The following ANKRD28 variants were observed in gnomAD, a reference collection of about 807,000 sequenced individuals.
ANKRD28 encodes the protein ankyrin repeat domain 28.
Under a neutral mutation model 126.5 loss-of-function variants are expected in ANKRD28, and 44 were observed. The ratio of observed to expected loss-of-function variants is 0.35; its 90% CI spans 0.27 to 0.45. The LOEUF is 0.45. Among genes scored for constraint, ANKRD28 ranks in the 20% least tolerant of loss-of-function variants. The pLI is 1.00. For missense variants in ANKRD28, 1,110 were observed against 1,316.6 expected (o/e 0.84, Z 2.43); for synonymous variants, 442 against 468.5 (o/e 0.94, Z 0.73).
chr3:15,838,834 T>C lies in ANKRD28; in HGVS notation c.27+20543A>G, dbSNP rs1176782728. On this transcript the variant is annotated intron_variant, in intron 1 of 27. Transcript: ENST00000399451. This position sits in a 1 kb window ranked among gnomAD's most constrained non-coding sequence, Gnocchi z 4.0. ...TGAATATTCATAGCAGTATTATTCATAGTTGCCAAAAATGGGAAACAATTC... is the reference window on the plus strand; with the variant it reads ...TGAATATTCATAGCAGTATTATTCACAGTTGCCAAAAATGGGAAACAATTC... Among the ~76,000 whole-genome samples the C allele has an allele frequency of 6.6e-6, 1 of 152,168 alleles. No homozygotes were observed. Among genetic ancestry groups the C allele is most frequent in the Non-Finnish European group, 1.5e-5 (1 of 68,028 alleles).
intron 27 of ANKRD28, 147 bp downstream of exon 27, chr3:15,675,751 C>T: frequency 3.3e-6 from 2 of 597,126 alleles, no homozygotes; most frequent in Non-Finnish European, 5.4e-6. Flanking sequence ...TTCTTTTGCC[C>T]TTATTCCTTT....
chr3:15,691,090 AAAGT>A (rs2125830277), intron 17 of ANKRD28, among the ~76,000 whole-genome samples: 1 of 152,282 alleles, frequency 6.6e-6, no homozygotes, highest in Admixed American at 6.5e-5. Flanking sequence ...TAGCTGTACA[AAAGT>A]AAGACTGAAG....
At position 15,782,043 on chromosome 3, in the gene ANKRD28, T is replaced by C. The variant is rs115228042; in HGVS notation, c.201+13180A>G. 3.0e-3 allele frequency among the ~76,000 whole-genome samples: 459 copies of C among 152,262 alleles called. 1 individual carries two copies. The highest frequency in any genetic ancestry group is 0.011 in the African/African-American group (442 of 41,558). Reference sequence around the variant, plus strand: ...GACAGTTTTTCCTAATCATTCCCCATGAAATCTTAATACCACTGTATTTCT... The same window carrying C: ...GACAGTTTTTCCTAATCATTCCCCACGAAATCTTAATACCACTGTATTTCT... On this transcript the variant is annotated intron_variant, in intron 2 of 27. Coordinates refer to ENST00000683139, the MANE Select transcript of ANKRD28 (RefSeq NM_001349278.2).
chr3:15,748,455 A>G (rs2057629735), intron 4 of ANKRD28, among the ~76,000 whole-genome samples: 1 of 152,156 alleles, frequency 6.6e-6, no homozygotes, highest in Non-Finnish European at 1.5e-5. Context: ...CATGAAGCTT[A>G]GTTTCACTGG....
intron 3 of ANKRD28, among the ~76,000 whole-genome samples, chr3:15,753,470 C>A (rs938401855): frequency 2.0e-5 from 3 of 152,190 alleles, no homozygotes; most frequent in Admixed American, 6.5e-5. Context: ...CCTCTTTCTA[C>A]AGGTTTATAT....
chr3:15,768,844 C>G (rs1281350269), intron 2 of ANKRD28, among the ~76,000 whole-genome samples: 1 of 152,152 alleles, frequency 6.6e-6, no homozygotes, highest in African/African-American at 2.4e-5. Context: ...CTTTCTCTCA[C>G]CACAATTAGC....
chr3:15,721,822 G>A (rs959154964), intron 7 of ANKRD28, among the ~76,000 whole-genome samples: 1 of 152,058 alleles, frequency 6.6e-6, no homozygotes, highest in Non-Finnish European at 1.5e-5. Context: ...TCAGCTCACC[G>A]AAACCTCTGC....
intron 4 of ANKRD28, among the ~76,000 whole-genome samples, chr3:15,746,915 T>C (rs2057513332): frequency 6.6e-6 from 1 of 152,190 alleles, no homozygotes; most frequent in Non-Finnish European, 1.5e-5. Flanking sequence ...ACCTTCCTAG[T>C]TTAATCTAGG....
rs191623690 is a variant in ANKRD28 at position 15,844,865 on chromosome 3, G to A, written c.27+14512C>T. Among the ~76,000 whole-genome samples the A allele has an allele frequency of 5.6e-4, 85 of 152,276 alleles. 1 individual carries two copies. The highest frequency in any genetic ancestry group is 3.2e-3 in the Admixed American group (49 of 15,296). On this transcript the variant is annotated intron_variant, in intron 1 of 27. Transcript: ENST00000399451. ...CACTGCTATAAAATACCTGAAACTG[G>A]GTAATTTATAAAGAAAAGAGGTTTA... is the stretch of plus-strand genomic sequence containing the variant.
rs1225289575 is a variant in ANKRD28 at position 15,756,441 on chromosome 3, TAAAAC to T, written c.281-4626_281-4622del. The T allele has an allele frequency of 3.2e-6, 3 of 939,814 alleles. No individual in the cohort carries two copies. In the East Asian group the frequency reaches 3.5e-4, roughly 109 times the overall value. 58.2% of individuals were successfully genotyped at this position (939,814 alleles called of 1,614,324 possible). ...AATTAAATGTCTAGCTATTCGGAAA[TAAAAC>T]ATAAATTCAAAAACAAAAACTTGAT... On this transcript the variant is annotated intron_variant, in intron 3 of 27. Coordinates refer to ENST00000683139, the MANE Select transcript of ANKRD28 (RefSeq NM_001349278.2).
chr3:15,850,258 G>GAGAGAGGGAGAGAGAGAGAGAGAA (rs1384999941), intron 1 of ANKRD28, among the ~76,000 whole-genome samples: 2 of 126,866 alleles, frequency 1.6e-5, no homozygotes, highest in Non-Finnish European at 3.3e-5. Flanking sequence ...GAGAGAGAGA[G>GAGAGAGGGAGAGAGAGAGAGAGAA]AGAGAAAGTT....
chr3:15,809,030 C>T (rs1478767707), intron 1 of ANKRD28, among the ~76,000 whole-genome samples: 2 of 151,384 alleles, frequency 1.3e-5, no homozygotes, highest in Non-Finnish European at 2.9e-5. Context: ...TCTTTTTGGA[C>T]AATCTCATGT....
intron 18 of ANKRD28, among the ~76,000 whole-genome samples, chr3:15,689,589 T>C (rs1413846359): frequency 6.6e-6 from 1 of 152,230 alleles, no homozygotes; most frequent in African/African-American, 2.4e-5. Flanking sequence ...TTTTAATGAC[T>C]TCTTAAACAC....
chr3:15,791,156 G>C (rs1006311804), intron 2 of ANKRD28, among the ~76,000 whole-genome samples: 4 of 152,078 alleles, frequency 2.6e-5, no homozygotes, highest in Admixed American at 2.0e-4. Context: ...AATATTCCAT[G>C]TTCATGGATT....
chr3:15,684,373 T>C (rs1045915946), intron 21 of ANKRD28: 18 of 152,234 alleles, frequency 1.2e-4, no homozygotes, highest in African/African-American at 4.1e-4. Context: ...AAATCTCTTT[T>C]AACCATGTAG....
rs2067958730 is a variant in ANKRD28, at chr3:15,685,099, G to A, written c.2389+127C>T. 4 of 877,348 alleles carry A rather than the reference G, an allele frequency of 4.6e-6. No individual in the cohort carries two copies. The East Asian group carries it at 7.5e-5, about 17-fold the overall frequency. The allele number at this position is 877,348 out of a possible 1,614,324, so 54.3% of individuals were successfully genotyped here. On this transcript the variant is annotated intron_variant, in intron 21 of 27. Transcript: ENST00000683139. ...TACGTACTAAGTATTATTAGTACGT[G>A]AGCCTATACAGTAGATTATTCCCAA...
chr3:15,799,906 G>A (rs2060426504), upstream of ANKRD28, among the ~76,000 whole-genome samples: 1 of 152,050 alleles, frequency 6.6e-6, no homozygotes, highest in African/African-American at 2.4e-5. Flanking sequence ...ACGAGACTCT[G>A]GAAGGGTGGA....
chr3:15,757,562 G>A lies in ANKRD28; in HGVS notation c.281-5742C>T, dbSNP rs532581938. On this transcript the variant is annotated intron_variant, in intron 3 of 27. Transcript: ENST00000683139. ...AGGCGAGGTCTTTTGTGAGGTAATT[G>A]GGTCATGAAGGCAGTGAATGGGATT... is the stretch of plus-strand genomic sequence containing the variant. 8.5e-5 allele frequency among the ~76,000 whole-genome samples: 13 copies of A among 152,266 alleles called. No homozygotes were observed. The East Asian group carries it at 2.3e-3, about 27-fold the overall frequency.
Position 15,762,223 on chromosome 3 carries a change from A to C in ANKRD28, c.280+4011T>G, listed in dbSNP as rs867176899. ...AAAAAAAAAAAAAAAACAAAACAAAAAAAAAAAAACTCTCCTGGTTCCTTC... is the reference window on the plus strand; with the variant it reads ...AAAAAAAAAAAAAAAACAAAACAAACAAAAAAAAACTCTCCTGGTTCCTTC... On this transcript the variant is annotated intron_variant, in intron 3 of 27. Coordinates refer to ENST00000683139, the MANE Select transcript of ANKRD28 (RefSeq NM_001349278.2). Among the ~76,000 whole-genome samples the C allele has an allele frequency of 8.7e-3, 1,220 of 140,170 alleles. 16 individuals are homozygous for C. Among genetic ancestry groups the C allele is most frequent in the African/African-American group, 0.03 (1,080 of 35,554 alleles). The allele number at this position is 140,170 out of a possible 152,430, so 92.0% of individuals were successfully genotyped here.
Sources: gnomAD v4.1 joint callset for allele counts (sites outside exome capture counted in the v4.1 genomes callset) on GRCh38, gnomAD v4.1.1 for gene constraint, Gnocchi (gnomAD v3.1) non-coding constraint, MANE v1.5 for transcripts, NCBI Gene and HGNC (gene_info 2026-07-23, HGNC 2026-07-21) for gene names.